Variants in TANC1 observed in about 807,000 individuals in gnomAD.
TANC1 encodes the protein tetratricopeptide repeat, ankyrin repeat and coiled-coil containing 1.
A neutral mutation model predicts 149.7 loss-of-function variants in TANC1; 77 were observed. The observed-to-expected ratio is 0.51, with a 90% CI of 0.43 to 0.62. The LOEUF is 0.62. Ranked by LOEUF, TANC1 falls within the 20% of genes least tolerant of loss-of-function variation. TANC1 has a pLI of 0.00. For synonymous variants in TANC1, 854 were observed against 925.0 expected, an observed-to-expected ratio of 0.92 and a Z score of 1.39; for missense variants, 1,985 against 2,321.8, an observed-to-expected ratio of 0.85 and a Z score of 2.98.
intron 16 of TANC1, 34 bp downstream of exon 16, chr2:159,187,058 C>T (rs1054746933): frequency 1.9e-6 from 3 of 1,609,594 alleles, no homozygotes; most frequent in Admixed American, 1.7e-5. Context: ...GCCGGAGACC[C>T]AGCCCTGGCC....
At chr2:159,024,665 C>T (rs187462842) in intron 2 of TANC1, among the ~76,000 whole-genome samples, 155 of 151,832 alleles carry the variant, frequency 1.0e-3, no homozygotes, top group African/African-American at 3.6e-3. Flanking sequence ...GCAGGAGAAT[C>T]GCTTGAATCC....
At chr2:159,087,764 A>G (rs1425980554) in intron 3 of TANC1, among the ~76,000 whole-genome samples, 1 of 151,328 alleles carries the variant, frequency 6.6e-6, no homozygotes, top group Non-Finnish European at 1.5e-5. Flanking sequence ...GGTACATTGA[A>G]GTCTCAACCC....
intron 3 of TANC1, among the ~76,000 whole-genome samples, chr2:159,087,242 T>A (rs1018993351): frequency 1.3e-5 from 2 of 152,172 alleles, no homozygotes; most frequent in Middle Eastern, 3.2e-3. Context: ...TTATATTTTT[T>A]AAAAACCATA....
chr2:159,020,555 A>G (rs2038744767), intron 2 of TANC1, among the ~76,000 whole-genome samples: 1 of 152,196 alleles, frequency 6.6e-6, no homozygotes, highest in Non-Finnish European at 1.5e-5. Flanking sequence ...CGCAGCATTT[A>G]TGACATACTT....
At position 159,196,685 on chromosome 2, in the gene TANC1, C is replaced by T; in HGVS notation, c.3057C>T (p.Tyr1019=). The T allele has an allele frequency of 1.2e-6, 2 of 1,614,078 alleles. No homozygotes were observed. Among genetic ancestry groups the T allele is most frequent in the South Asian group, 1.1e-5 (1 of 91,060 alleles). The change falls in exon 18 of 27, where the codon TAC becomes TAT. Residue 1019 remains tyrosine, a synonymous_variant. Coordinates refer to ENST00000263635, the MANE Select transcript of TANC1 (RefSeq NM_033394.3). ...GGGGCCACGGTGACATTCTCCAGTA[C>T]CTGCTGACTTGTGAGTGGTCGCCGG... ...ALRGHGDILQ[Y]LLTCEWSPGP... is the part of the protein sequence containing the mutation.
chr2:158,991,558 C>T (rs760601644), intron 1 of TANC1, among the ~76,000 whole-genome samples: 1 of 151,706 alleles, frequency 6.6e-6, no homozygotes, highest in Non-Finnish European at 1.5e-5. Context: ...TTGAGACCAT[C>T]CTGGCTAACA....
intron 22 of TANC1, 112 bp from the exon 23 acceptor site, chr2:159,224,112 ATCCTTAAT>A: frequency 8.7e-7 from 1 of 1,154,164 alleles, no homozygotes. Flanking sequence ...CTAGTCTAGG[ATCCTTAAT>A]AGGCAGAGGC....
chr2:159,019,653 G>GTTTTTTTTTTTTTTTT lies in TANC1; in HGVS notation c.-16+18482_-16+18497dup, dbSNP rs55746240. Among the ~76,000 whole-genome samples the GTTTTTTTTTTTTTTTT allele has an allele frequency of 5.9e-4, 43 of 73,304 alleles. 10 individuals are homozygous for GTTTTTTTTTTTTTTTT. The highest frequency in any genetic ancestry group is 8.9e-4 in the Non-Finnish European group (35 of 39,230). 48.1% of individuals were successfully genotyped at this position (73,304 alleles called of 152,430 possible). A position where few individuals can be genotyped will look rare whatever the true frequency, so the allele number is the denominator to read the frequency against. On this transcript the variant is annotated intron_variant, in intron 2 of 26. Transcript: ENST00000263635. ...CCTAACTGCAGCTTGCTTTCTTTCT[G>GTTTTTTTTTTTTTTTT]TTTTTTTTTTTTTTTTTTTTTTTTT...
In TANC1 at chr2:159,206,296, A is replaced by G. The variant is rs144430122; in HGVS notation, c.3244+7243A>G. Among the ~76,000 whole-genome samples, 492 of 152,236 alleles carry G rather than the reference A, an allele frequency of 3.2e-3. 2 individuals are homozygous for G. Among genetic ancestry groups the G allele is most frequent in the African/African-American group, 0.011 (446 of 41,536 alleles). ...TGTATGGGGGTCCTCCAAACAGTGG[A>G]GGCAGATAGGGGATCAGAACTGAGG... On this transcript the variant is annotated intron_variant, in intron 19 of 26. Transcript: ENST00000263635.
chr2:159,189,860 C>G (rs927114872), intron 16 of TANC1, among the ~76,000 whole-genome samples: 4 of 152,124 alleles, frequency 2.6e-5, no homozygotes, highest in African/African-American at 9.7e-5. Context: ...TTTCAAGCTC[C>G]CAGGTGGTTT....
In TANC1 at chr2:159,199,044, G is replaced by A. The variant is rs1559445116; in HGVS notation, c.3235G>A (p.Gly1079Arg). 6.2e-7 allele frequency: 1 copy of A among 1,613,470 alleles called. No individual in the cohort carries two copies. Among genetic ancestry groups the A allele is most frequent in the Non-Finnish European group, 8.5e-7 (1 of 1,179,448 alleles). Reference protein sequence around the residue: ...VEVNGTDTLWGETALTAAAGR... With the variant: ...VEVNGTDTLWRETALTAAAGR... ...AGTCAATGGCACCGACACATTGTGG[G>A]GAGAAACAGGTAATTATAATGCCAC... The change falls in exon 19 of 27, where the codon GGA becomes AGA. Residue 1079 changes from glycine to arginine, a missense_variant. Gly to Arg is a moderately radical substitution (Grantham distance 125, BLOSUM62 -2). Transcript: ENST00000263635.
At chr2:159,164,052 C>G (rs1052149472) in intron 8 of TANC1, among the ~76,000 whole-genome samples, 5 of 152,134 alleles carry the variant, frequency 3.3e-5, no homozygotes, top group East Asian at 3.8e-4. Context: ...AGTAGGAGCT[C>G]TCAATCAAGG....
intron 4 of TANC1, among the ~76,000 whole-genome samples, chr2:159,109,237 T>A (rs1016071671): frequency 6.6e-6 from 1 of 152,208 alleles, no homozygotes; most frequent in African/African-American, 2.4e-5. Flanking sequence ...GCCCCAGTCA[T>A]GGGCAGGTGG....
intron 5 of TANC1, among the ~76,000 whole-genome samples, chr2:159,137,978 ATTG>A (rs1374413500): frequency 2.4e-4 from 36 of 152,274 alleles, no homozygotes; most frequent in African/African-American, 7.7e-4. Context: ...AATAGTTCCT[ATTG>A]TTAACTTTTC....
chr2:159,101,111 T>A (rs1363694418), intron 4 of TANC1, among the ~76,000 whole-genome samples: 4 of 152,130 alleles, frequency 2.6e-5, no homozygotes, highest in Non-Finnish European at 5.9e-5. Flanking sequence ...TGACTTTTGT[T>A]CTGATTTGTA....
intron 1 of TANC1, among the ~76,000 whole-genome samples, chr2:158,985,237 T>C (rs780315746): frequency 6.6e-6 from 1 of 152,170 alleles, no homozygotes; most frequent in Admixed American, 6.5e-5. Context: ...AGAAAAACTT[T>C]TCATAGGGTG....
At chr2:159,140,759 C>T (rs913210488) in intron 5 of TANC1, among the ~76,000 whole-genome samples, 2 of 142,098 alleles carry the variant, frequency 1.4e-5, no homozygotes, top group Non-Finnish European at 1.5e-5. Context: ...GGCACAGTCT[C>T]GGCTCACTGC....
chr2:159,110,248 G>T (rs993392775), intron 4 of TANC1, among the ~76,000 whole-genome samples: 4 of 152,166 alleles, frequency 2.6e-5, no homozygotes, highest in African/African-American at 9.7e-5. Flanking sequence ...TAGTGCAAGC[G>T]AAGGATATAT....
At position 159,227,977 on chromosome 2, in the gene TANC1, C is replaced by T. The variant is rs751198120; in HGVS notation, c.4050+12C>T. On this transcript the variant is annotated intron_variant, in intron 25 of 26. Transcript: ENST00000263635. ...GAAGAAAAACAAATGTAAGCTGTGC[C>T]CCTTTATTCCAACCCAGTCTTCCAG... is the stretch of plus-strand genomic sequence containing the variant. 3.7e-6 allele frequency: 6 copies of T among 1,606,864 alleles called. No homozygotes were observed. In the Admixed American group the frequency reaches 1.0e-4, roughly 27 times the overall value.
Sources: gnomAD v4.1 joint callset for allele counts (sites outside exome capture counted in the v4.1 genomes callset) on GRCh38, gnomAD v4.1.1 for gene constraint, MANE v1.5 for transcripts, NCBI Gene and HGNC (gene_info 2026-07-23, HGNC 2026-07-21) for gene names.